PCDHA11: variants seen among roughly 807,000 people sequenced by gnomAD.
The protein encoded by PCDHA11 is protocadherin alpha-11.
Under a neutral mutation model 70.3 loss-of-function variants are expected in PCDHA11, and 61 were observed. The ratio of observed to expected loss-of-function variants is 0.87; its 90% CI spans 0.71 to 1.07. PCDHA11 has a LOEUF of 1.07. PCDHA11 is among the 50% of genes least tolerant of loss of function. The pLI is 0.00. For synonymous variants in PCDHA11, 633 were observed against 555.1 expected, an observed-to-expected ratio of 1.14 and a Z score of -1.97; for missense variants, 1,324 against 1,237.5, an observed-to-expected ratio of 1.07 and a Z score of -1.05.
chr5:141,011,104 C>A lies in PCDHA11; in HGVS notation c.*1167C>A, dbSNP rs1396728499. On this transcript the variant is annotated 3_prime_UTR_variant, in exon 4 of 4. Transcript: ENST00000398640. ...GATCTCTCTTTCTCTCTCTCTCTCT[C>A]TTTTCTAAGAAACAATTATGTGCAC... is the stretch of plus-strand genomic sequence containing the variant. 6.5e-6 allele frequency: 1 copy of A among 153,726 alleles called. No individual in the cohort carries two copies. The highest frequency in any genetic ancestry group is 1.5e-5 in the Non-Finnish European group (1 of 68,028). The allele number at this position is 153,726 out of a possible 1,614,324, so 9.5% of individuals were successfully genotyped here. A position where few individuals can be genotyped will look rare whatever the true frequency, so the allele number is the denominator to read the frequency against.
intron 1 of PCDHA11, among the ~76,000 whole-genome samples, chr5:140,921,992 C>A (rs963694302): frequency 6.6e-6 from 1 of 151,842 alleles, no homozygotes; most frequent in South Asian, 2.1e-4. Context: ...AAAAAGAGTT[C>A]AATGAAATGA....
In PCDHA11 at chr5:140,871,085, CG is replaced by C; in HGVS notation, c.1984del (p.Ala662ProfsTer38). 6.2e-7 allele frequency: 1 copy of C among 1,613,246 alleles called. No individual in the cohort carries two copies. On this transcript the variant is annotated frameshift_variant, in exon 1 of 4. Transcript: ENST00000398640. LOFTEE classifies it high-confidence loss of function. The stretch of plus-strand genomic sequence containing the variant: ...CACGGTGAGCCGGCGCTGACGGCCA[CG>C]GCCACCGTGCTGGTGTCGTTGGTGG... The part of the protein sequence containing the change: ...KDHGEPALTA[T>X]ATVLVSLVES...
Position 140,869,869 on chromosome 5 carries a change from G to T in PCDHA11, c.766G>T (p.Ala256Ser). The change falls in exon 1 of 4, where the codon GCT (alanine) becomes TCT (serine). Residue 256 changes from alanine (A) to serine (S), a missense_variant. Ala to Ser is a moderately conservative substitution (Grantham distance 99, BLOSUM62 1). Coordinates refer to ENST00000398640, the MANE Select transcript of PCDHA11 (RefSeq NM_018902.5). ...TAAGGTGAGCCTTATGGAAAATGCT[G>T]CTAAAGAAACTCTTGTGCTCAAACT... ...EYKVSLMENA[A>S]KETLVLKLNA... 6.2e-7 allele frequency: 1 copy of T among 1,610,244 alleles called. No individual in the cohort carries two copies. Among genetic ancestry groups the T allele is most frequent in the Non-Finnish European group, 8.5e-7 (1 of 1,178,058 alleles).
intron 1 of PCDHA11, chr5:140,930,248 C>T (rs2086692121): frequency 1.3e-5 from 2 of 152,178 alleles, no homozygotes; most frequent in South Asian, 4.1e-4. Flanking sequence ...GTCCATTCAA[C>T]TTGGATTTAA....
intron 2 of PCDHA11, among the ~76,000 whole-genome samples, chr5:140,979,807 A>G (rs376087021): frequency 1.3e-4 from 20 of 152,376 alleles, no homozygotes; most frequent in African/African-American, 4.1e-4. Flanking sequence ...CACAACTATC[A>G]AAAGGATTTA....
Position 140,871,201 on chromosome 5 carries a change from A to G in PCDHA11, c.2098A>G (p.Ile700Val), listed in dbSNP as rs561860727. ...AALVDVNVYL[I>V]IAICVVSSLL... ...GCTGGTGGATGTCAACGTGTACCTGATCATCGCCATCTGCGTGGTGTCCAG... is the reference window on the plus strand; with the variant it reads ...GCTGGTGGATGTCAACGTGTACCTGGTCATCGCCATCTGCGTGGTGTCCAG... The change falls in exon 1 of 4, where the codon ATC (isoleucine) becomes GTC (valine). Residue 700 changes from isoleucine (I) to valine (V), a missense_variant. Ile to Val is a conservative substitution (Grantham distance 29). Coordinates refer to ENST00000398640, the MANE Select transcript of PCDHA11 (RefSeq NM_018902.5). The G allele has an allele frequency of 3.3e-5, 54 of 1,613,672 alleles. 1 individual carries two copies. The Admixed American group carries it at 7.2e-4, about 21-fold the overall frequency.
At chr5:140,906,323 A>C (rs1487570044) in intron 1 of PCDHA11, among the ~76,000 whole-genome samples, 1 of 152,212 alleles carries the variant, frequency 6.6e-6, no homozygotes, top group Admixed American at 6.5e-5. Flanking sequence ...AACATGATAC[A>C]ACTATCCTTC....
intron 1 of PCDHA11, among the ~76,000 whole-genome samples, chr5:140,942,781 A>G (rs1554215214): frequency 6.6e-6 from 1 of 152,214 alleles, no homozygotes; most frequent in Admixed American, 6.5e-5. Context: ...TTTAGGCAGA[A>G]TATTACAAAG....
At chr5:140,912,652 G>A (rs555103404) in intron 1 of PCDHA11, among the ~76,000 whole-genome samples, 2 of 152,132 alleles carry the variant, frequency 1.3e-5, no homozygotes, top group South Asian at 2.1e-4. Context: ...TTGAATAGAA[G>A]TGGTGAAAAT....
At chr5:140,929,349 A>G in intron 1 of PCDHA11, 1 of 1,530,382 alleles carries the variant, frequency 6.5e-7, no homozygotes, top group Non-Finnish European at 8.8e-7. Context: ...ATGGAATTTG[A>G]TTCCTTTGGC....
At chr5:141,004,919 T>A (rs144687292) in intron 3 of PCDHA11, among the ~76,000 whole-genome samples, 2 of 152,264 alleles carry the variant, frequency 1.3e-5, no homozygotes, top group East Asian at 3.9e-4. Flanking sequence ...GGAAAAGGGT[T>A]TGGAAGAGAG....
At chr5:140,925,955 G>A (rs1350124934) in intron 1 of PCDHA11, among the ~76,000 whole-genome samples, 1 of 152,076 alleles carries the variant, frequency 6.6e-6, no homozygotes, top group Non-Finnish European at 1.5e-5. Context: ...AGGAGAAACT[G>A]CTATCACGCA....
chr5:140,966,410 A>G lies in PCDHA11; in HGVS notation c.2392-12539A>G, dbSNP rs530944149. The G allele has an allele frequency of 1.9e-3, 807 of 419,248 alleles. 2 individuals carry two copies. Among genetic ancestry groups the G allele is most frequent in the South Asian group, 7.3e-3 (70 of 9,536 alleles). The allele number at this position is 419,248 out of a possible 1,614,324, so 26.0% of individuals were successfully genotyped here. The stretch of plus-strand genomic sequence containing the variant: ...GTCCGCCACTTCGGCGCGGAATCAG[A>G]GCAGGACTTGCTGAGCCCTCCTACC... On this transcript the variant is annotated intron_variant, in intron 1 of 3. Coordinates refer to ENST00000398640, the MANE Select transcript of PCDHA11 (RefSeq NM_018902.5).
At chr5:140,950,080 C>G (rs528804395) in intron 1 of PCDHA11, among the ~76,000 whole-genome samples, 2 of 151,836 alleles carry the variant, frequency 1.3e-5, no homozygotes, top group Admixed American at 1.3e-4. Context: ...ATTGCTTATG[C>G]TATAGTTTTC....
intron 1 of PCDHA11, among the ~76,000 whole-genome samples, chr5:140,931,683 A>C (rs1482331530): frequency 6.6e-6 from 1 of 151,950 alleles, no homozygotes; most frequent in Non-Finnish European, 1.5e-5. Flanking sequence ...AAATAAATGA[A>C]TTGTGATTCA....
At chr5:140,916,603 G>A (rs782815026) in intron 1 of PCDHA11, among the ~76,000 whole-genome samples, 4 of 152,152 alleles carry the variant, frequency 2.6e-5, no homozygotes, top group South Asian at 2.1e-4. Flanking sequence ...CCTGGAATGC[G>A]GGCCTCATGA....
At chr5:140,875,476 G>T in intron 1 of PCDHA11, 1 of 1,610,156 alleles carries the variant, frequency 6.2e-7, no homozygotes, top group South Asian at 1.1e-5. Flanking sequence ...TTCTGCAATG[G>T]TGATTATCGG....
At chr5:140,892,552 T>A (rs1041756319) in intron 1 of PCDHA11, among the ~76,000 whole-genome samples, 1 of 152,222 alleles carries the variant, frequency 6.6e-6, no homozygotes, top group East Asian at 1.9e-4. Flanking sequence ...GTTTCTCTAG[T>A]CCTTGGAGAC....
At chr5:140,888,443 A>C (rs1374471673) in intron 1 of PCDHA11, among the ~76,000 whole-genome samples, 2 of 152,172 alleles carry the variant, frequency 1.3e-5, no homozygotes, top group Non-Finnish European at 2.9e-5. Context: ...GCCGCCCAAC[A>C]ATAAAGAATT....
Sources: allele counts gnomAD v4.1 joint callset (sites outside exome capture counted in the v4.1 genomes callset), GRCh38; gene constraint gnomAD v4.1.1; transcripts MANE v1.5; gene names NCBI Gene and HGNC (gene_info 2026-07-23, HGNC 2026-07-21).